The following ARHGAP35 variants were observed in gnomAD, a reference collection of about 807,000 sequenced individuals.
ARHGAP35 encodes the protein rho GTPase-activating protein 35.
In ARHGAP35, 15 loss-of-function variants were observed where a neutral mutation model predicts 111.1. The observed-to-expected ratio is 0.13, with a 90% confidence interval of 0.09 to 0.21. The LOEUF is 0.21. Ranked by LOEUF, ARHGAP35 falls within the 10% of genes least tolerant of loss-of-function variation. The probability of loss-of-function intolerance (pLI) is 1.00; values close to 1 mark genes in which losing one functional copy is unlikely to be tolerated. For missense variants in ARHGAP35, 1,262 were observed against 1,873.0 expected, an observed-to-expected ratio of 0.67 and a Z score of 6.02; for synonymous variants, 643 against 710.3, an observed-to-expected ratio of 0.91 and a Z score of 1.51.
intron 3 of ARHGAP35, among the ~76,000 whole-genome samples, chr19:46,965,262 G>A (rs1386863547): frequency 2.0e-5 from 3 of 152,144 alleles, no homozygotes; most frequent in African/African-American, 4.8e-5. Context: ...GCAGTGAGCC[G>A]AGATTGCGCC....
intron 3 of ARHGAP35, 57 bp downstream of exon 3, chr19:46,937,465 G>A (rs2056316269): frequency 6.3e-7 from 1 of 1,580,966 alleles, no homozygotes; most frequent in Admixed American, 1.7e-5. Flanking sequence ...GATGCTTACT[G>A]GAGGGTCAAG....
intron 3 of ARHGAP35, among the ~76,000 whole-genome samples, chr19:46,955,520 A>G (rs2056434631): frequency 6.6e-6 from 1 of 152,186 alleles, no homozygotes; most frequent in Non-Finnish European, 1.5e-5. Flanking sequence ...TCCTAATTTT[A>G]GCCTCACAAA....
chr19:46,985,033 G>A (rs986231469), intron 3 of ARHGAP35, among the ~76,000 whole-genome samples: 2 of 152,164 alleles, frequency 1.3e-5, no homozygotes, highest in Non-Finnish European at 2.9e-5. Context: ...TGAGACTGGT[G>A]CTATTTGTCC....
Position 47,001,305 on chromosome 19 carries a change from C to A in ARHGAP35, c.*617C>A. ...GCCTGGACCCAGAGAGTGTGGGACT[C>A]CCCGCTTCATCCCCACCGTCCCACT... On this transcript the variant is annotated 3_prime_UTR_variant, in exon 7 of 7. Transcript: ENST00000672722. This position sits in a 1 kb window ranked among gnomAD's most constrained non-coding sequence, Gnocchi z 5.4. The A allele has an allele frequency of 7.7e-7, 1 of 1,290,380 alleles. No individual in the cohort carries two copies. Among genetic ancestry groups the A allele is most frequent in the Non-Finnish European group, 1.0e-6 (1 of 989,282 alleles). The allele number at this position is 1,290,380 out of a possible 1,614,324, so 79.9% of individuals were successfully genotyped here.
At chr19:46,877,397 T>C (rs527639360) in intron 1 of ARHGAP35, among the ~76,000 whole-genome samples, 19 of 151,904 alleles carry the variant, frequency 1.3e-4, no homozygotes, top group African/African-American at 3.6e-4. Flanking sequence ...ACCCTGTCTC[T>C]ACTAAAAATA....
chr19:46,984,563 T>A (rs1218661179), intron 3 of ARHGAP35, among the ~76,000 whole-genome samples: 1 of 152,188 alleles, frequency 6.6e-6, no homozygotes, highest in Non-Finnish European at 1.5e-5. Context: ...TAATTAGTAG[T>A]TACGATAAAT....
chr19:46,931,632 A>G (rs921531852), intron 2 of ARHGAP35, among the ~76,000 whole-genome samples: 3 of 152,214 alleles, frequency 2.0e-5, no homozygotes, highest in Non-Finnish European at 2.9e-5. Context: ...TAAGCAAACT[A>G]TGAGGTACAA....
At chr19:46,973,807 GAAACCCCATCTCTACT>G (rs913867600) in intron 3 of ARHGAP35, among the ~76,000 whole-genome samples, 4 of 152,006 alleles carry the variant, frequency 2.6e-5, no homozygotes, top group African/African-American at 4.8e-5. Context: ...CCAATATGGT[GAAACCCCATCTCTACT>G]AAACCCCATC....
chr19:46,920,723 A>G lies in ARHGAP35; in HGVS notation c.2048A>G (p.Glu683Gly). The part of the protein sequence containing the change: ...YVVESIEKSR[E>G]STLGRRDNHL... ...GTGGAAAGTATAGAGAAGAGTAGAG[A>G]GTCCACGCTGGGCCGGCGGGATAAT... Residue 683 changes from glutamate to glycine, a missense_variant, in exon 2 of 7, where the codon GAG becomes GGG. Glu to Gly is a moderately conservative substitution (Grantham distance 98, BLOSUM62 -2). Coordinates refer to ENST00000672722, the MANE Select transcript of ARHGAP35 (RefSeq NM_004491.5). This position sits in a 1 kb window ranked among gnomAD's most constrained non-coding sequence, Gnocchi z 7.0. The G allele has an allele frequency of 1.9e-6, 3 of 1,613,634 alleles. No homozygotes were observed. The highest frequency in any genetic ancestry group is 2.5e-6 in the Non-Finnish European group (3 of 1,179,720).
rs550148999 is a variant in ARHGAP35 at position 46,995,516 on chromosome 19, G to A, written c.4037-3788G>A. 2.1e-4 allele frequency among the ~76,000 whole-genome samples: 32 copies of A among 152,336 alleles called. 1 individual carries two copies. Among genetic ancestry groups the A allele is most frequent in the Admixed American group, 1.6e-3 (24 of 15,304 alleles). ...AGGGCTCTGCCGCGTGCAGGGAGGC[G>A]GGGACCCAGAGCAGATGGGCTAAGC... is the stretch of plus-strand genomic sequence containing the variant. On this transcript the variant is annotated intron_variant, in intron 5 of 6. Transcript: ENST00000672722.
chr19:46,954,897 A>C (rs1490856468), intron 3 of ARHGAP35, among the ~76,000 whole-genome samples: 1 of 152,180 alleles, frequency 6.6e-6, no homozygotes, highest in Non-Finnish European at 1.5e-5. Context: ...TACGGCTGTC[A>C]GGAGCCGTTT....
Position 46,988,159 on chromosome 19 carries a change from C to G in ARHGAP35, c.3904+93C>G. 4.0e-6 allele frequency: 5 copies of G among 1,240,426 alleles called. No homozygotes were observed. In the South Asian group the frequency reaches 6.4e-5, roughly 16 times the overall value. 76.8% of individuals were successfully genotyped at this position (1,240,426 alleles called of 1,614,324 possible). The stretch of plus-strand genomic sequence containing the variant: ...ACTGTCTGTGGGGCTTCGGAGCACT[C>G]CTGCCAGCACAGACCCAAAGCCACG... On this transcript the variant is annotated intron_variant, in intron 4 of 6. Coordinates refer to ENST00000672722, the MANE Select transcript of ARHGAP35 (RefSeq NM_004491.5). The surrounding 1 kb of genome is among the most constrained non-coding windows in gnomAD (Gnocchi z 5.4).
chr19:46,982,282 G>A (rs1197072435), intron 3 of ARHGAP35, among the ~76,000 whole-genome samples: 2 of 152,224 alleles, frequency 1.3e-5, no homozygotes, highest in African/African-American at 4.8e-5. Context: ...TTTGAGACCA[G>A]TCTAGCCAAC....
intron 3 of ARHGAP35, among the ~76,000 whole-genome samples, chr19:46,967,737 A>C (rs2056523333): frequency 6.6e-6 from 1 of 152,170 alleles, no homozygotes; most frequent in South Asian, 2.1e-4. Flanking sequence ...CATTCACTCT[A>C]AACTTCAGCC....
At position 46,922,013 on chromosome 19, in the gene ARHGAP35, A is replaced by C; in HGVS notation, c.3338A>C (p.Gln1113Pro). 2 of 1,614,014 alleles carry C rather than the reference A, an allele frequency of 1.2e-6. No homozygotes were observed. Among genetic ancestry groups the C allele is most frequent in the Non-Finnish European group, 1.7e-6 (2 of 1,179,890 alleles). The part of the protein sequence containing the change: ...NIYSVPHDST[Q>P]GKIITIRNIN... ...TACTCCGTGCCCCATGACAGCACCC[A>C]AGGCAAAATCATCACCATTCGGAAT... Residue 1113 changes from glutamine to proline, a missense_variant, in exon 2 of 7, where the codon CAA (glutamine) becomes CCA (proline). Gln to Pro is a moderately conservative substitution (Grantham distance 76, BLOSUM62 -1). Around this residue, in one of 8 missense-constraint regions of ARHGAP35, gnomAD observed 579 missense variants for 716.9 expected, o/e 0.81. Transcript: ENST00000672722. This position sits in a 1 kb window ranked among gnomAD's most constrained non-coding sequence, Gnocchi z 4.0.
chr19:46,990,587 G>T (rs1272114371), intron 5 of ARHGAP35, among the ~76,000 whole-genome samples: 1 of 152,242 alleles, frequency 6.6e-6, no homozygotes, highest in Non-Finnish European at 1.5e-5. Flanking sequence ...CAACCAGAGG[G>T]TGGGGAAGAG....
At position 47,000,503 on chromosome 19, in the gene ARHGAP35, C is replaced by G; in HGVS notation, c.4315C>G (p.Arg1439Gly). 5.0e-6 allele frequency: 8 copies of G among 1,613,724 alleles called. No homozygotes were observed. The highest frequency in any genetic ancestry group is 6.8e-6 in the Non-Finnish European group (8 of 1,179,870). ...GCAGTGCCCCTTCTTCTTCTACAAT[C>G]GGCCCATCACCGAGCCCCCCGGCGC... ...IQQCPFFFYNRPITEPPGARP... is the reference protein window; with the variant it reads ...IQQCPFFFYNGPITEPPGARP... The change falls in exon 7 of 7, where the codon CGG (arginine) becomes GGG (glycine). Residue 1439 changes from arginine (R) to glycine (G), a missense_variant. By Grantham distance (125) the Arg-to-Gly change is moderately radical (BLOSUM62 -2). Around this residue, in one of 8 missense-constraint regions of ARHGAP35, gnomAD observed 75 missense variants for 87.0 expected, o/e 0.86. Coordinates refer to ENST00000672722, the MANE Select transcript of ARHGAP35 (RefSeq NM_004491.5). This position sits in a 1 kb window ranked among gnomAD's most constrained non-coding sequence, Gnocchi z 6.9.
intron 3 of ARHGAP35, among the ~76,000 whole-genome samples, chr19:46,941,876 TAAAAAAAA>T (rs71179279): frequency 1.1e-5 from 1 of 94,554 alleles, no homozygotes; most frequent in Non-Finnish European, 2.0e-5. Flanking sequence ...CCTGTCTCTT[TAAAAAAAA>T]AAAAAAAAAA....
intron 1 of ARHGAP35, among the ~76,000 whole-genome samples, chr19:46,866,737 G>T (rs1286874271): frequency 6.6e-6 from 1 of 152,134 alleles, no homozygotes; most frequent in Non-Finnish European, 1.5e-5. Flanking sequence ...AAATGAACTG[G>T]ATTACCTTTG....
Sources: gnomAD v4.1 joint callset for allele counts (sites outside exome capture counted in the v4.1 genomes callset) on GRCh38, gnomAD v4.1.1 for gene constraint, gnomAD v4.1.1 regional missense constraint, Gnocchi (gnomAD v3.1) non-coding constraint, MANE v1.5 for transcripts, NCBI Gene and HGNC (gene_info 2026-07-23, HGNC 2026-07-21) for gene names.